The following ABLIM2 variants were observed in gnomAD, a reference collection of about 807,000 sequenced individuals.
ABLIM2 encodes the protein actin binding LIM protein family member 2.
In ABLIM2, 53 loss-of-function variants were observed where a neutral mutation model predicts 97.7. The ratio of observed to expected loss-of-function variants is 0.54; its 90% CI spans 0.44 to 0.68. The LOEUF is 0.68. ABLIM2 is among the 30% of genes least tolerant of loss of function. The pLI is 0.00. For missense variants in ABLIM2, 835 were observed against 867.2 expected, an observed-to-expected ratio of 0.96 and a Z score of 0.47; for synonymous variants, 361 against 345.8, an observed-to-expected ratio of 1.04 and a Z score of -0.49.
Position 8,150,596 on chromosome 4 carries a change from G to T in ABLIM2, c.10+8084C>A, listed in dbSNP as rs1170779663. ...AAGTCCCAAACTTCCAGCACAGGGT[G>T]CGAGCTCCGTGCCGGAGGCGGGAGG... is the stretch of plus-strand genomic sequence containing the variant. On this transcript the variant is annotated intron_variant, in intron 1 of 20. Coordinates refer to ENST00000447017, the MANE Select transcript of ABLIM2 (RefSeq NM_001130083.2). The surrounding 1 kb of genome is among the most constrained non-coding windows in gnomAD (Gnocchi z 6.3). Among the ~76,000 whole-genome samples the T allele has an allele frequency of 6.6e-6, 1 of 152,254 alleles. No individual in the cohort carries two copies. The highest frequency in any genetic ancestry group is 2.4e-5 in the African/African-American group (1 of 41,458).
At chr4:8,137,163 G>A (rs919434635) in intron 1 of ABLIM2, among the ~76,000 whole-genome samples, 7 of 152,162 alleles carry the variant, frequency 4.6e-5, no homozygotes, top group Admixed American at 6.5e-5. Context: ...TATTTGTCAC[G>A]GCAGCCGGGC....
chr4:7,995,802 G>C (rs1407151518), intron 16 of ABLIM2, among the ~76,000 whole-genome samples: 1 of 152,222 alleles, frequency 6.6e-6, no homozygotes, highest in Non-Finnish European at 1.5e-5. Flanking sequence ...CATGTGAGAG[G>C]GGCGGGGGTC....
chr4:8,072,289 G>A lies in ABLIM2; in HGVS notation c.675+5339C>T, dbSNP rs1812754560. ...TCAGGGATGCTTACATTGCAGACAT[G>A]GGACGCTTGCCTCCCAATCCATCAA... is the stretch of plus-strand genomic sequence containing the variant. On this transcript the variant is annotated intron_variant, in intron 6 of 20. Coordinates refer to ENST00000447017, the MANE Select transcript of ABLIM2 (RefSeq NM_001130083.2). The surrounding 1 kb of genome is among the most constrained non-coding windows in gnomAD (Gnocchi z 5.8). 6.6e-6 allele frequency among the ~76,000 whole-genome samples: 1 copy of A among 151,916 alleles called. No homozygotes were observed. The highest frequency in any genetic ancestry group is 1.5e-5 in the Non-Finnish European group (1 of 67,998).
chr4:7,983,964 T>A (rs931038466), intron 18 of ABLIM2, among the ~76,000 whole-genome samples: 5 of 152,246 alleles, frequency 3.3e-5, no homozygotes, highest in African/African-American at 1.2e-4. Context: ...TCTGAGCCTC[T>A]CCCATCTCTC....
chr4:8,074,951 A>C (rs566385609), intron 6 of ABLIM2, among the ~76,000 whole-genome samples: 1 of 151,848 alleles, frequency 6.6e-6, no homozygotes. Flanking sequence ...ATGCCCAGCT[A>C]ATTTTTGTAG....
intron 1 of ABLIM2, among the ~76,000 whole-genome samples, chr4:8,151,642 G>A (rs1379290212): frequency 6.6e-6 from 1 of 152,152 alleles, no homozygotes; most frequent in Non-Finnish European, 1.5e-5. Flanking sequence ...GTGGGGCGGT[G>A]GTGTCAGAAG....
At position 8,015,278 on chromosome 4, in the gene ABLIM2, T is replaced by C. The variant is rs1276104653; in HGVS notation, c.1423+4340A>G. On this transcript the variant is annotated intron_variant, in intron 14 of 20. Coordinates refer to ENST00000447017, the MANE Select transcript of ABLIM2 (RefSeq NM_001130083.2). This position sits in a 1 kb window ranked among gnomAD's most constrained non-coding sequence, Gnocchi z 4.6. ...ATTCACTGCACTGCAGAAGGAGAGG[T>C]TAGCGTGTCTTTTGTATCACACAGA... Among the ~76,000 whole-genome samples the C allele has an allele frequency of 6.6e-6, 1 of 151,916 alleles. No individual in the cohort carries two copies. Among genetic ancestry groups the C allele is most frequent in the Non-Finnish European group, 1.5e-5 (1 of 67,964 alleles).
At chr4:8,039,872 C>CTGTTTT (rs1480859481) in intron 9 of ABLIM2, among the ~76,000 whole-genome samples, 2 of 90,050 alleles carry the variant, frequency 2.2e-5, no homozygotes, top group South Asian at 3.9e-4. Flanking sequence ...GTGCTGATTA[C>CTGTTTT]TGTTTTTTTT....
In ABLIM2 at chr4:8,132,757, T is replaced by C. The variant is rs1306386477; in HGVS notation, c.10+25923A>G. ...GACCTGGGCCCAGCGACTGAACCTC[T>C]TAGAGCCTCAGTTTCCTCATCTGTA... On this transcript the variant is annotated intron_variant, in intron 1 of 20. Transcript: ENST00000447017. This position sits in a 1 kb window ranked among gnomAD's most constrained non-coding sequence, Gnocchi z 8.0. Among the ~76,000 whole-genome samples, 1 of 152,198 alleles carries C rather than the reference T, an allele frequency of 6.6e-6. No homozygotes were observed. The highest frequency in any genetic ancestry group is 2.1e-4 in the South Asian group (1 of 4,824).
chr4:8,043,044 G>A lies in ABLIM2; in HGVS notation c.900+2120C>T, dbSNP rs1436609685. On this transcript the variant is annotated intron_variant, in intron 9 of 20. Coordinates refer to ENST00000447017, the MANE Select transcript of ABLIM2 (RefSeq NM_001130083.2). This position sits in a 1 kb window ranked among gnomAD's most constrained non-coding sequence, Gnocchi z 4.8. Reference sequence around the variant, plus strand: ...TGCATGCCTGTAGTCCCAGCTACTCGGGATGCTGAGGTGGGAGGATCGCCT... The same window carrying A: ...TGCATGCCTGTAGTCCCAGCTACTCAGGATGCTGAGGTGGGAGGATCGCCT... Among the ~76,000 whole-genome samples the A allele has an allele frequency of 1.3e-5, 2 of 151,698 alleles. No homozygotes were observed. The highest frequency in any genetic ancestry group is 2.9e-5 in the Non-Finnish European group (2 of 67,936).
rs1316822861 is a variant in ABLIM2, at chr4:7,992,161, G to C, written c.1680+705C>G. Among the ~76,000 whole-genome samples, 2 of 152,048 alleles carry C rather than the reference G, an allele frequency of 1.3e-5. No individual in the cohort carries two copies. The highest frequency in any genetic ancestry group is 2.9e-5 in the Non-Finnish European group (2 of 67,996). On this transcript the variant is annotated intron_variant, in intron 17 of 20. Coordinates refer to ENST00000447017, the MANE Select transcript of ABLIM2 (RefSeq NM_001130083.2). This position sits in a 1 kb window ranked among gnomAD's most constrained non-coding sequence, Gnocchi z 5.7. Reference sequence around the variant, plus strand: ...CCTCACTGGGGACCCCTGTGACGCTGTGGGCAGAGGAACAAACATAAGCCG... The same window carrying C: ...CCTCACTGGGGACCCCTGTGACGCTCTGGGCAGAGGAACAAACATAAGCCG...
chr4:8,154,235 T>G (rs1578577399), intron 1 of ABLIM2, among the ~76,000 whole-genome samples: 2 of 150,548 alleles, frequency 1.3e-5, no homozygotes, highest in South Asian at 2.1e-4. Flanking sequence ...GTGCTGGGAT[T>G]ACAGGCGTGA....
chr4:8,074,315 C>G (rs4597815), intron 6 of ABLIM2, among the ~76,000 whole-genome samples: 3,593 of 152,114 alleles, frequency 0.024, 160 homozygotes, highest in African/African-American at 0.082. Context: ...ACTATCCAAG[C>G]ATGGTATTGC....
At chr4:8,053,485 C>T (rs1263958391) in intron 8 of ABLIM2, among the ~76,000 whole-genome samples, 1 of 152,198 alleles carries the variant, frequency 6.6e-6, no homozygotes, top group South Asian at 2.1e-4. Context: ...TTAACTGAGA[C>T]CTGTCTGGGA....
intron 2 of ABLIM2, among the ~76,000 whole-genome samples, chr4:8,105,890 C>T (rs940171656): frequency 6.6e-6 from 1 of 152,170 alleles, no homozygotes; most frequent in South Asian, 2.1e-4. Context: ...GGAGACTCGG[C>T]ACAGGCCATC....
rs1357291035 is a variant in ABLIM2 at position 8,071,203 on chromosome 4, T to C, written c.675+6425A>G. ...TCCCCAGCAGCTGGCTCTGCCACAG[T>C]TGCTGCCAGGCGCCACCCACCTCTG... On this transcript the variant is annotated intron_variant, in intron 6 of 20. Coordinates refer to ENST00000447017, the MANE Select transcript of ABLIM2 (RefSeq NM_001130083.2). The surrounding 1 kb of genome is among the most constrained non-coding windows in gnomAD (Gnocchi z 6.2). Among the ~76,000 whole-genome samples the C allele has an allele frequency of 6.6e-6, 1 of 152,134 alleles. No homozygotes were observed. The highest frequency in any genetic ancestry group is 1.5e-5 in the Non-Finnish European group (1 of 68,010).
rs573375840 is a variant in ABLIM2, at chr4:8,064,401, G to A, written c.676-3347C>T. Among the ~76,000 whole-genome samples the A allele has an allele frequency of 2.1e-4, 32 of 152,286 alleles. No individual in the cohort carries two copies. In the East Asian group the frequency reaches 2.9e-3, roughly 14 times the overall value. ...TAACAGGCCATCATGGGAACAGGAC[G>A]GGTGGCTCTGAAGACAGGAGGAAAG... On this transcript the variant is annotated intron_variant, in intron 6 of 20. Coordinates refer to ENST00000447017, the MANE Select transcript of ABLIM2 (RefSeq NM_001130083.2).
chr4:8,020,037 C>T (rs1772407561), intron 13 of ABLIM2, among the ~76,000 whole-genome samples, 165 bp downstream of exon 13: 1 of 135,734 alleles, frequency 7.4e-6, no homozygotes, highest in Non-Finnish European at 1.7e-5. Context: ...TGTGAAAACC[C>T]GTCTGATGGT....
intron 2 of ABLIM2, among the ~76,000 whole-genome samples, chr4:8,104,547 G>A (rs1038269872): frequency 4.7e-4 from 72 of 152,288 alleles, no homozygotes; most frequent in African/African-American, 1.6e-3. Flanking sequence ...AGTCACCCAC[G>A]TCCTTGGACA....
Sources: gnomAD v4.1 joint callset for allele counts (sites outside exome capture counted in the v4.1 genomes callset) on GRCh38, gnomAD v4.1.1 for gene constraint, Gnocchi (gnomAD v3.1) non-coding constraint, MANE v1.5 for transcripts, NCBI Gene and HGNC (gene_info 2026-07-23, HGNC 2026-07-21) for gene names.